The following DLGAP2 variants were observed in gnomAD, a reference collection of about 807,000 sequenced individuals.
DLGAP2 encodes the protein DLG associated protein 2.
In DLGAP2, 26 loss-of-function variants were observed where a neutral mutation model predicts 100.3. The observed-to-expected ratio is 0.26, with a 90% CI of 0.19 to 0.36. DLGAP2 has a LOEUF of 0.36. Ranked by LOEUF, DLGAP2 falls within the 10% of genes least tolerant of loss-of-function variation. The probability of loss-of-function intolerance (pLI) is 1.00; values close to 1 mark genes in which losing one functional copy is unlikely to be tolerated. For synonymous variants in DLGAP2, 886 were observed against 630.1 expected (o/e 1.41, Z -6.08); for missense variants, 1,858 against 1,453.2 (o/e 1.28, Z -4.53).
chr8:1,675,308 C>G (rs1798786654), intron 10 of DLGAP2, among the ~76,000 whole-genome samples: 1 of 152,254 alleles, frequency 6.6e-6, no homozygotes, highest in South Asian at 2.1e-4. Flanking sequence ...GCCCTGACCC[C>G]AACCAGGGCG....
chr8:1,154,831 C>A (rs550792675), intron 2 of DLGAP2, among the ~76,000 whole-genome samples: 1 of 152,296 alleles, frequency 6.6e-6, no homozygotes, highest in South Asian at 2.1e-4. Context: ...GCCCGGGGTG[C>A]CTTGGAGTTA....
At chr8:1,242,322 T>G (rs1448039434) in intron 2 of DLGAP2, among the ~76,000 whole-genome samples, 1 of 152,158 alleles carries the variant, frequency 6.6e-6, no homozygotes, top group Admixed American at 6.5e-5. Flanking sequence ...GGCGGGGTTC[T>G]GGAGGATTTG....
At chr8:1,387,049 A>G (rs1425948297) in intron 3 of DLGAP2, among the ~76,000 whole-genome samples, 2 of 152,214 alleles carry the variant, frequency 1.3e-5, no homozygotes, top group South Asian at 2.1e-4. Flanking sequence ...TAAGCCAGAA[A>G]AGAGGGGAAC....
chr8:800,441 G>A (rs1158263288), intron 1 of DLGAP2, among the ~76,000 whole-genome samples: 2 of 152,210 alleles, frequency 1.3e-5, no homozygotes, highest in African/African-American at 4.8e-5. Flanking sequence ...AACACCAGGG[G>A]CCCAGCCCTG....
intron 2 of DLGAP2, among the ~76,000 whole-genome samples, chr8:1,194,626 A>C (rs983329384): frequency 4.5e-4 from 68 of 152,278 alleles, no homozygotes; most frequent in African/African-American, 1.6e-3. Flanking sequence ...CTGGAAGCCG[A>C]GTCCTTGCTA....
At chr8:1,136,177 G>T (rs1044908925) in intron 2 of DLGAP2, among the ~76,000 whole-genome samples, 1 of 152,156 alleles carries the variant, frequency 6.6e-6, no homozygotes, top group African/African-American at 2.4e-5. Context: ...GTCCCAAGGG[G>T]CGGGACACCT....
intron 7 of DLGAP2, among the ~76,000 whole-genome samples, chr8:1,631,588 A>C (rs903440591): frequency 6.6e-6 from 1 of 152,042 alleles, no homozygotes; most frequent in Admixed American, 6.5e-5. Flanking sequence ...GTCTCTGTCC[A>C]GTGTCAGGAA....
intron 2 of DLGAP2, among the ~76,000 whole-genome samples, chr8:1,254,747 C>T (rs1463690008): frequency 2.0e-5 from 3 of 152,108 alleles, no homozygotes; most frequent in African/African-American, 7.2e-5. Context: ...TTTCGGGGGC[C>T]GAGTGAGTGT....
intron 2 of DLGAP2, among the ~76,000 whole-genome samples, chr8:931,518 C>T (rs1031665700): frequency 2.0e-5 from 3 of 152,116 alleles, no homozygotes; most frequent in African/African-American, 4.8e-5. Context: ...GTATCTCGGC[C>T]GTTATTTTTA....
At chr8:1,187,853 A>G (rs1473995531) in intron 2 of DLGAP2, among the ~76,000 whole-genome samples, 49 of 66,954 alleles carry the variant, frequency 7.3e-4, no homozygotes, top group Admixed American at 1.3e-3. Context: ...AATCTCACAC[A>G]CCCGGGACCC....
At chr8:1,572,224 A>G (rs1422793678) in intron 6 of DLGAP2, among the ~76,000 whole-genome samples, 13 of 56,914 alleles carry the variant, frequency 2.3e-4, no homozygotes, top group South Asian at 6.7e-4. Flanking sequence ...GCATCTGATG[A>G]GATGGAGAGG....
In DLGAP2 at chr8:1,595,249, C is replaced by T. The variant is rs923925588; in HGVS notation, c.1442+29355C>T. On this transcript the variant is annotated intron_variant, in intron 6 of 14. Transcript: ENST00000637795. ...AGAGACAGGGTTTTGCCATGTTTCC[C>T]AGGTTTTACGGGCTTTTTTTAAATA... Among the ~76,000 whole-genome samples the T allele has an allele frequency of 2.0e-5, 3 of 152,126 alleles. No homozygotes were observed. The East Asian group carries it at 5.8e-4, about 29-fold the overall frequency.
At chr8:1,615,865 A>T (rs1797136154) in intron 6 of DLGAP2, among the ~76,000 whole-genome samples, 1 of 152,162 alleles carries the variant, frequency 6.6e-6, no homozygotes, top group African/African-American at 2.4e-5. Context: ...AAATGTTAGA[A>T]CTCACCAGAA....
At chr8:1,386,051 C>A (rs1450137234) in intron 3 of DLGAP2, among the ~76,000 whole-genome samples, 1 of 152,254 alleles carries the variant, frequency 6.6e-6, no homozygotes, top group Non-Finnish European at 1.5e-5. Flanking sequence ...ATGGTTTAAT[C>A]TCCACGGGAT....
intron 6 of DLGAP2, among the ~76,000 whole-genome samples, chr8:1,624,060 C>T (rs1334233280): frequency 2.0e-5 from 3 of 152,190 alleles, no homozygotes; most frequent in Non-Finnish European, 4.4e-5. Context: ...CCTTCGTTCA[C>T]GTAGCAGGCA....
intron 3 of DLGAP2, among the ~76,000 whole-genome samples, chr8:1,360,247 C>CGGGGCTTCTCG (rs1801950929): frequency 2.2e-5 from 1 of 44,700 alleles, no homozygotes; most frequent in African/African-American, 9.5e-5. Flanking sequence ...GGGGCTTCTC[C>CGGGGCTTCTCG]GGGGCGGGGC....
At position 1,549,320 on chromosome 8, in the gene DLGAP2, C is replaced by T. The variant is rs533410863; in HGVS notation, c.867C>T (p.Pro289=). The change falls in exon 5 of 15, where the codon CCC becomes CCT. Residue 289 remains proline, a synonymous_variant. Coordinates refer to ENST00000637795, the MANE Select transcript of DLGAP2 (RefSeq NM_001346810.2). Reference sequence around the variant, plus strand: ...AGGAGCGCAAGCCGGAGGGCAAGCCCCGGCCCGGCATGAGCAGCTGGTGGA... The same window carrying T: ...AGGAGCGCAAGCCGGAGGGCAAGCCTCGGCCCGGCATGAGCAGCTGGTGGA... ...KSKERKPEGK[P]RPGMSSWWSS... 2.7e-5 allele frequency: 43 copies of T among 1,613,010 alleles called. No individual in the cohort carries two copies. In the Middle Eastern group the frequency reaches 6.6e-4, roughly 25 times the overall value.
chr8:1,480,501 C>G (rs1289076032), intron 3 of DLGAP2, among the ~76,000 whole-genome samples: 1 of 152,164 alleles, frequency 6.6e-6, no homozygotes, highest in Non-Finnish European at 1.5e-5. Flanking sequence ...GAGCCCTGAC[C>G]TGGCCTAGTC....
intron 2 of DLGAP2, among the ~76,000 whole-genome samples, chr8:1,056,765 C>T (rs1340047821): frequency 6.6e-6 from 1 of 152,240 alleles, no homozygotes; most frequent in Non-Finnish European, 1.5e-5. Flanking sequence ...ATTTTGATCT[C>T]AGTTTCTTCA....
Sources: gnomAD v4.1 joint callset for allele counts (sites outside exome capture counted in the v4.1 genomes callset) on GRCh38, gnomAD v4.1.1 for gene constraint, MANE v1.5 for transcripts, NCBI Gene and HGNC (gene_info 2026-07-23, HGNC 2026-07-21) for gene names.